AFG2A: variants seen among roughly 807,000 people sequenced by gnomAD.
The protein encoded by AFG2A is AAA ATPase AFG2A, also known as ATPase family gene 2 protein homolog A.
chr4:123,113,802 G>A, the AFG2A span, among the ~76,000 whole-genome samples: 4 of 152,130 alleles, frequency 2.6e-5, no homozygotes, highest in African/African-American at 9.7e-5. Flanking sequence ...AGTGGAGGGT[G>A]AGCAAGACAA....
At chr4:123,054,643 A>G in the AFG2A span, among the ~76,000 whole-genome samples, 3 of 152,018 alleles carry the variant, frequency 2.0e-5, no homozygotes, top group East Asian at 5.8e-4. Context: ...GTGTGAACCC[A>G]GGAGGCGGAG....
At chr4:122,934,452 AG>A in the AFG2A span, 2 of 1,614,234 alleles carry the variant, frequency 1.2e-6, no homozygotes, top group East Asian at 4.5e-5. Flanking sequence ...AGGAAGTCAC[AG>A]GTCTTAAATG....
the AFG2A span, among the ~76,000 whole-genome samples, chr4:123,194,911 C>T: frequency 1.3e-5 from 2 of 152,090 alleles, no homozygotes; most frequent in Admixed American, 6.6e-5. Context: ...CAGGATATCC[C>T]CATAATATTA....
At chr4:123,233,491 A>T in the AFG2A span, among the ~76,000 whole-genome samples, 1 of 152,178 alleles carries the variant, frequency 6.6e-6, no homozygotes, top group South Asian at 2.1e-4. Context: ...TTTTATATTG[A>T]AATTTAAGGT....
the AFG2A span, among the ~76,000 whole-genome samples, chr4:123,220,915 TA>T: frequency 6.6e-6 from 1 of 152,226 alleles, no homozygotes; most frequent in Non-Finnish European, 1.5e-5. Flanking sequence ...CCTAACTTCA[TA>T]AATTTGATAC....
the AFG2A span, among the ~76,000 whole-genome samples, chr4:123,036,322 T>C: frequency 6.6e-6 from 1 of 152,110 alleles, no homozygotes; most frequent in Non-Finnish European, 1.5e-5. Flanking sequence ...ATTTTTACTG[T>C]CAATGACTGG....
the AFG2A span, among the ~76,000 whole-genome samples, chr4:123,062,358 A>G: frequency 3.3e-5 from 5 of 152,230 alleles, no homozygotes; most frequent in Admixed American, 2.6e-4. Flanking sequence ...ATTGCTAGAT[A>G]GTATAACAAT....
At chr4:123,112,828 T>C in the AFG2A span, among the ~76,000 whole-genome samples, 2 of 152,256 alleles carry the variant, frequency 1.3e-5, no homozygotes, top group African/African-American at 4.8e-5. Flanking sequence ...CCAAAATGAG[T>C]TTGCTGTTTA....
the AFG2A span, chr4:122,935,600 CTT>C: frequency 5.5e-6 from 7 of 1,274,318 alleles, no homozygotes; most frequent in South Asian, 4.1e-5. Context: ...ACTCTTGACT[CTT>C]TTTGTGACGC....
chr4:123,274,245 G>A, the AFG2A span, among the ~76,000 whole-genome samples: 1 of 151,998 alleles, frequency 6.6e-6, no homozygotes, highest in African/African-American at 2.4e-5. Flanking sequence ...TCTTCAGAGT[G>A]AATTGATTGA....
At chr4:122,927,576 A>T in the AFG2A span, 1 of 1,526,188 alleles carries the variant, frequency 6.6e-7, no homozygotes. Flanking sequence ...TGCAAAAGAA[A>T]GCATGCCTTA....
At chr4:123,195,046 A>G in the AFG2A span, among the ~76,000 whole-genome samples, 1 of 152,224 alleles carries the variant, frequency 6.6e-6, no homozygotes, top group African/African-American at 2.4e-5. Context: ...TTAAACATCA[A>G]ATGGTGCCTT....
chr4:122,952,375 C>T, the AFG2A span, among the ~76,000 whole-genome samples: 4 of 152,114 alleles, frequency 2.6e-5, no homozygotes, highest in Admixed American at 6.5e-5. Context: ...CATCCTTCTT[C>T]GTGGATTAGT....
chr4:123,276,593 T>A, the AFG2A span, among the ~76,000 whole-genome samples: 1 of 152,196 alleles, frequency 6.6e-6, no homozygotes, highest in Admixed American at 6.5e-5. Flanking sequence ...TATGTTATCT[T>A]CCAGGGATTT....
At chr4:123,156,229 A>G in the AFG2A span, among the ~76,000 whole-genome samples, 2 of 152,090 alleles carry the variant, frequency 1.3e-5, no homozygotes, top group Admixed American at 6.6e-5. Context: ...TATGCTTGTC[A>G]TTTCTGTTTT....
At chr4:123,059,740 CA>C in the AFG2A span, among the ~76,000 whole-genome samples, 2 of 151,354 alleles carry the variant, frequency 1.3e-5, no homozygotes, top group African/African-American at 4.9e-5. Flanking sequence ...CTGACTTCCA[CA>C]ATGGTTGAAC....
chr4:122,962,341 G>A, the AFG2A span, among the ~76,000 whole-genome samples: 2 of 151,924 alleles, frequency 1.3e-5, no homozygotes, highest in Non-Finnish European at 2.9e-5. Context: ...TATTTCATAA[G>A]GCAATGAATT....
the AFG2A span, among the ~76,000 whole-genome samples, chr4:123,304,491 G>A: frequency 6.6e-6 from 1 of 152,174 alleles, no homozygotes; most frequent in African/African-American, 2.4e-5. Context: ...GTGAGCAGAG[G>A]CAACACAATG....
At chr4:123,081,426 A>G in the AFG2A span, among the ~76,000 whole-genome samples, 1 of 152,188 alleles carries the variant, frequency 6.6e-6, no homozygotes, top group Non-Finnish European at 1.5e-5. Flanking sequence ...ATGTAGTAGT[A>G]TGCATTTAAT....
Sources: gnomAD v4.1 joint callset for allele counts (sites outside exome capture counted in the v4.1 genomes callset) on GRCh38, gnomAD v4.1.1 for gene constraint, MANE v1.5 for transcripts, NCBI Gene and HGNC (gene_info 2026-07-23, HGNC 2026-07-21) for gene names.